The following TAFA1 variants were observed in gnomAD, a reference collection of about 807,000 sequenced individuals.
The protein encoded by TAFA1 is chemokine-like protein TAFA-1.
TAFA1 carries 4 observed loss-of-function variants against 18.5 expected under a neutral mutation model. The ratio of observed to expected loss-of-function variants is 0.22; its 90% confidence interval spans 0.11 to 0.49. The LOEUF (loss-of-function observed/expected upper bound fraction) is 0.49, where lower values mean the gene tolerates loss of function less well. Ranked by LOEUF, TAFA1 falls within the 20% of genes least tolerant of loss-of-function variation. TAFA1 has a pLI of 0.98. For synonymous variants in TAFA1, 56 were observed against 55.2 expected (o/e 1.01, Z -0.06); for missense variants, 147 against 169.0 (o/e 0.87, Z 0.72).
At chr3:68,239,100 G>A (rs1389010023) in intron 2 of TAFA1, among the ~76,000 whole-genome samples, 1 of 152,090 alleles carries the variant, frequency 6.6e-6, no homozygotes, top group Non-Finnish European at 1.5e-5. Flanking sequence ...TTTGAATCAT[G>A]GTAGAGATGT....
chr3:68,390,674 G>C (rs559789350), intron 2 of TAFA1, among the ~76,000 whole-genome samples: 109 of 152,342 alleles, frequency 7.2e-4, no homozygotes, highest in South Asian at 4.1e-3. Context: ...AGCAATCTTT[G>C]CTGTTTTGCA....
chr3:68,458,615 TC>T (rs2071710932), intron 3 of TAFA1, among the ~76,000 whole-genome samples: 1 of 152,140 alleles, frequency 6.6e-6, no homozygotes, highest in South Asian at 2.1e-4. Context: ...ATCCCACTTT[TC>T]CCAAAGTGGC....
chr3:68,267,890 A>G (rs2067579589), intron 2 of TAFA1, among the ~76,000 whole-genome samples: 1 of 152,172 alleles, frequency 6.6e-6, no homozygotes, highest in African/African-American at 2.4e-5. Flanking sequence ...AATCTCTGCT[A>G]GACAATTGTC....
At chr3:68,532,439 G>T (rs1553700868) in intron 3 of TAFA1, among the ~76,000 whole-genome samples, 1 of 152,026 alleles carries the variant, frequency 6.6e-6, no homozygotes, top group African/African-American at 2.4e-5. Context: ...TCGGAGGGGG[G>T]ATGGAGGGTG....
intron 2 of TAFA1, among the ~76,000 whole-genome samples, chr3:68,319,667 C>T (rs971970361): frequency 6.6e-6 from 1 of 152,162 alleles, no homozygotes; most frequent in Non-Finnish European, 1.5e-5. Context: ...TGGCTTTGTC[C>T]TTTAGGTAAA....
At chr3:68,335,078 A>G (rs1371868646) in intron 2 of TAFA1, among the ~76,000 whole-genome samples, 3 of 152,222 alleles carry the variant, frequency 2.0e-5, no homozygotes, top group African/African-American at 7.2e-5. Flanking sequence ...TGTGACCATA[A>G]TGGTCATTCA....
chr3:68,028,738 C>T (rs1035164146), intron 2 of TAFA1, among the ~76,000 whole-genome samples: 1 of 100,436 alleles, frequency 1.0e-5, no homozygotes, highest in Non-Finnish European at 2.1e-5. Flanking sequence ...CAGCCTCACT[C>T]TTTTTTTTTA....
At chr3:68,067,017 A>G (rs1448668049) in intron 2 of TAFA1, among the ~76,000 whole-genome samples, 1 of 152,198 alleles carries the variant, frequency 6.6e-6, no homozygotes, top group Non-Finnish European at 1.5e-5. Flanking sequence ...GGCCAGCTCC[A>G]TGTAGAATAA....
At chr3:67,996,967 A>G in the TAFA1 span, among the ~76,000 whole-genome samples, 5 of 152,170 alleles carry the variant, frequency 3.3e-5, no homozygotes, top group African/African-American at 9.7e-5. Context: ...GACAGAATCT[A>G]TGGGAGTGTA....
chr3:68,358,289 T>G lies in TAFA1; in HGVS notation c.119-58991T>G, dbSNP rs528973285. 4.6e-5 allele frequency among the ~76,000 whole-genome samples: 7 copies of G among 152,098 alleles called. No individual in the cohort carries two copies. The South Asian group carries it at 1.5e-3, about 32-fold the overall frequency. ...TTTTTTTATATCCTGGAGATCTTCATGTCATCTTATTGAGCTAATAATATT... is the reference window on the plus strand; with the variant it reads ...TTTTTTTATATCCTGGAGATCTTCAGGTCATCTTATTGAGCTAATAATATT... On this transcript the variant is annotated intron_variant, in intron 2 of 4. Coordinates refer to ENST00000478136, the MANE Select transcript of TAFA1 (RefSeq NM_213609.4).
intron 2 of TAFA1, among the ~76,000 whole-genome samples, chr3:68,069,552 C>G (rs1241745443): frequency 6.6e-6 from 1 of 152,116 alleles, no homozygotes; most frequent in African/African-American, 2.4e-5. Flanking sequence ...CCCTCCCAAA[C>G]TTCATCCTCA....
intron 2 of TAFA1, among the ~76,000 whole-genome samples, chr3:68,039,041 T>A (rs920502803): frequency 6.6e-6 from 1 of 152,192 alleles, no homozygotes; most frequent in Non-Finnish European, 1.5e-5. Flanking sequence ...AAACTCCAAG[T>A]GGGCAGGGGC....
chr3:68,240,691 G>A (rs1272124451), intron 2 of TAFA1, among the ~76,000 whole-genome samples: 1 of 152,130 alleles, frequency 6.6e-6, no homozygotes, highest in African/African-American at 2.4e-5. Flanking sequence ...GACACAGAGT[G>A]GACAGGGAGG....
chr3:68,250,994 T>G (rs1378049649), intron 2 of TAFA1: 2 of 152,172 alleles, frequency 1.3e-5, no homozygotes, highest in Non-Finnish European at 2.9e-5. Flanking sequence ...TCATTGCTTT[T>G]AGTTTCATGC....
chr3:68,194,049 G>C (rs2066380716), intron 2 of TAFA1, among the ~76,000 whole-genome samples: 2 of 151,698 alleles, frequency 1.3e-5, no homozygotes, highest in South Asian at 4.1e-4. Context: ...TGACTCTCTG[G>C]GGCATGCTTT....
At chr3:68,145,937 C>CT (rs916510434) in intron 2 of TAFA1, among the ~76,000 whole-genome samples, 13 of 152,216 alleles carry the variant, frequency 8.5e-5, no homozygotes, top group Middle Eastern at 3.4e-3. Context: ...TTACACAACC[C>CT]GGGGGACATG....
At chr3:68,541,753 G>A (rs1305931288) in intron 4 of TAFA1, among the ~76,000 whole-genome samples, 1 of 152,138 alleles carries the variant, frequency 6.6e-6, no homozygotes. Context: ...TCAATATAAA[G>A]ATAATCCAGG....
chr3:68,291,294 C>T (rs1313553783), intron 2 of TAFA1, among the ~76,000 whole-genome samples: 1 of 152,032 alleles, frequency 6.6e-6, no homozygotes, highest in Non-Finnish European at 1.5e-5. Context: ...ACACAATTGG[C>T]AGTGCAACTG....
chr3:68,382,458 CTATT>C (rs1402193141), intron 2 of TAFA1, among the ~76,000 whole-genome samples: 2 of 152,022 alleles, frequency 1.3e-5, no homozygotes, highest in Non-Finnish European at 2.9e-5. Flanking sequence ...TATCCCAGCA[CTATT>C]TATTTAATAG....
Sources: gnomAD v4.1 joint callset for allele counts (sites outside exome capture counted in the v4.1 genomes callset) on GRCh38, gnomAD v4.1.1 for gene constraint, MANE v1.5 for transcripts, NCBI Gene and HGNC (gene_info 2026-07-23, HGNC 2026-07-21) for gene names.